CATSPERB: variants seen among roughly 807,000 people sequenced by gnomAD.
CATSPERB encodes cation channel sperm-associated auxiliary subunit beta.
Under a neutral mutation model 128.3 loss-of-function variants are expected in CATSPERB, and 93 were observed. That is an observed-to-expected ratio of 0.72 (90% confidence interval 0.61 to 0.86). The LOEUF is 0.86. CATSPERB is among the 40% of genes least tolerant of loss of function. The probability of loss-of-function intolerance (pLI) is 0.00; values close to 1 mark genes in which losing one functional copy is unlikely to be tolerated. For synonymous variants in CATSPERB, 381 were observed against 448.8 expected (o/e 0.85, Z 1.91); for missense variants, 1,153 against 1,329.5 (o/e 0.87, Z 2.06).
At chr14:91,714,277 C>CAAAAAAAAA (rs35951126) in intron 5 of CATSPERB, among the ~76,000 whole-genome samples, 77 of 111,136 alleles carry the variant, frequency 6.9e-4, no homozygotes, top group East Asian at 1.3e-3. Context: ...TACAATAAGG[C>CAAAAAAAAA]AAAAAAAAAA....
intron 11 of CATSPERB, among the ~76,000 whole-genome samples, chr14:91,674,895 T>A (rs1302605902): frequency 6.6e-6 from 1 of 152,208 alleles, no homozygotes; most frequent in Non-Finnish European, 1.5e-5. Context: ...GCATCACTCC[T>A]GAATGCCTCC....
chr14:91,660,116 T>TCACA lies in CATSPERB; in HGVS notation c.1288-139_1288-136dup, dbSNP rs56413235. On this transcript the variant is annotated intron_variant, in intron 14 of 26. Coordinates refer to ENST00000256343, the MANE Select transcript of CATSPERB (RefSeq NM_024764.4). ...CTACATTCATCTCTCTCTCTCTCTC[T>TCACA]CACACACACACACACACACACACAC... 126 of 239,282 alleles carry TCACA rather than the reference T, an allele frequency of 5.3e-4. 1 individual carries two copies. Among genetic ancestry groups the TCACA allele is most frequent in the African/African-American group, 2.6e-3 (74 of 28,588 alleles). 14.8% of individuals were successfully genotyped at this position (239,282 alleles called of 1,614,324 possible).
chr14:91,599,675 G>A (rs1197098238), intron 22 of CATSPERB, among the ~76,000 whole-genome samples: 2 of 152,106 alleles, frequency 1.3e-5, no homozygotes, highest in Admixed American at 1.3e-4. Context: ...ATACGTTTAG[G>A]GAGACATGAG....
At chr14:91,594,456 A>G (rs1893469128) in intron 22 of CATSPERB, among the ~76,000 whole-genome samples, 2 of 150,752 alleles carry the variant, frequency 1.3e-5, no homozygotes, top group Admixed American at 1.3e-4. Flanking sequence ...GTGCACATGT[A>G]CCCTAAAACT....
chr14:91,612,057 TTTCTTTCTTCC>T (rs1294335890), intron 20 of CATSPERB, among the ~76,000 whole-genome samples: 1 of 99,344 alleles, frequency 1.0e-5, no homozygotes, highest in Non-Finnish European at 2.3e-5. Flanking sequence ...TCTTTCTTTC[TTTCTTTCTTCC>T]TTTTTTTAAG....
chr14:91,622,864 CA>C (rs1380262943), intron 18 of CATSPERB, among the ~76,000 whole-genome samples: 1 of 150,750 alleles, frequency 6.6e-6, no homozygotes, highest in Admixed American at 6.6e-5. Context: ...TGACTCCAGC[CA>C]ACAGCTTTTT....
chr14:91,639,492 A>G (rs1894450203), intron 15 of CATSPERB, among the ~76,000 whole-genome samples: 1 of 152,182 alleles, frequency 6.6e-6, no homozygotes, highest in African/African-American at 2.4e-5. Context: ...GGGGATGTTT[A>G]ATTAAGAGAT....
chr14:91,698,969 T>A (rs1277772804), intron 7 of CATSPERB, among the ~76,000 whole-genome samples: 1 of 152,232 alleles, frequency 6.6e-6, no homozygotes, highest in Non-Finnish European at 1.5e-5. Flanking sequence ...GGTTTTCCAA[T>A]CCTGTGTTAC....
intron 10 of CATSPERB, 127 bp downstream of exon 10, chr14:91,691,393 TTTG>T (rs1895469807): frequency 2.2e-6 from 1 of 449,636 alleles, no homozygotes; most frequent in African/African-American, 2.1e-5. Context: ...AAATATATAT[TTTG>T]TTTAAACTAT....
At chr14:91,629,234 AT>A (rs1231964941) in intron 17 of CATSPERB, among the ~76,000 whole-genome samples, 6 of 152,226 alleles carry the variant, frequency 3.9e-5, no homozygotes, top group Non-Finnish European at 8.8e-5. Flanking sequence ...CATGGAGGAA[AT>A]TTAGATGCAT....
chr14:91,683,749 C>T, intron 11 of CATSPERB, 128 bp downstream of exon 11: 1 of 591,950 alleles, frequency 1.7e-6, no homozygotes, highest in African/African-American at 1.9e-5. Context: ...CCAAGTGCCC[C>T]TTTTTAAACC....
At chr14:91,696,682 T>C (rs1168201012) in intron 7 of CATSPERB, among the ~76,000 whole-genome samples, 2 of 152,184 alleles carry the variant, frequency 1.3e-5, no homozygotes, top group Non-Finnish European at 2.9e-5. Context: ...TATGTCTCTA[T>C]CCTAACGGAT....
intron 15 of CATSPERB, among the ~76,000 whole-genome samples, chr14:91,656,320 C>T (rs1027288106): frequency 2.0e-5 from 3 of 152,012 alleles, no homozygotes; most frequent in Admixed American, 6.6e-5. Context: ...ATGTAAACTA[C>T]TCATATGTTG....
intron 19 of CATSPERB, among the ~76,000 whole-genome samples, chr14:91,620,475 C>A (rs1055626266): frequency 2.6e-5 from 4 of 152,074 alleles, no homozygotes; most frequent in African/African-American, 7.2e-5. Context: ...CTTTTCCTTG[C>A]CCTTTCTCCC....
At chr14:91,591,060 T>C (rs1031443647) in intron 23 of CATSPERB, among the ~76,000 whole-genome samples, 3 of 152,100 alleles carry the variant, frequency 2.0e-5, no homozygotes, top group African/African-American at 4.8e-5. Flanking sequence ...TGCATATTTG[T>C]TTTTTTCTTT....
In CATSPERB at chr14:91,599,225, T is replaced by G. The variant is rs1041568057; in HGVS notation, c.2710-7223A>C. ...GAACCCCTTCGTGGTTACCAAAATG[T>G]GAACCTAGAAAATCTGAGACAGGTC... On this transcript the variant is annotated intron_variant, in intron 22 of 26. Transcript: ENST00000256343. Among the ~76,000 whole-genome samples, 43 of 152,172 alleles carry G rather than the reference T, an allele frequency of 2.8e-4. 1 individual carries two copies. Among genetic ancestry groups the G allele is most frequent in the Non-Finnish European group, 1.5e-5 (1 of 68,042 alleles).
Position 91,591,984 on chromosome 14 carries a change from G to GTT in CATSPERB, c.2726_2727dup (p.Gln910AsnfsTer66). 1 of 1,613,240 alleles carries GTT rather than the reference G, an allele frequency of 6.2e-7. No individual in the cohort carries two copies. The highest frequency in any genetic ancestry group is 8.5e-7 in the Non-Finnish European group (1 of 1,179,334). On this transcript the variant is annotated frameshift_variant, in exon 23 of 27. Coordinates refer to ENST00000256343, the MANE Select transcript of CATSPERB (RefSeq NM_024764.4). LOFTEE classifies it high-confidence loss of function. ...TCCCGAGTGGAAACATTAGCACACT[G>GTT]TTTGAATTTACCGGTTTTCTGCAAA...
chr14:91,717,209 T>C (rs560279357), intron 5 of CATSPERB, among the ~76,000 whole-genome samples: 10 of 152,286 alleles, frequency 6.6e-5, no homozygotes, highest in African/African-American at 2.2e-4. Flanking sequence ...TGCCAGGGAC[T>C]GGGAGATGGA....
chr14:91,670,086 A>C, intron 13 of CATSPERB, 114 bp from the exon 14 acceptor site: 1 of 906,522 alleles, frequency 1.1e-6, no homozygotes, highest in Non-Finnish European at 1.7e-6. Flanking sequence ...CACAACATAG[A>C]ACTAGAAGGA....
Sources: allele counts gnomAD v4.1 joint callset (sites outside exome capture counted in the v4.1 genomes callset), GRCh38; gene constraint gnomAD v4.1.1; transcripts MANE v1.5; gene names NCBI Gene and HGNC (gene_info 2026-07-23, HGNC 2026-07-21).